Variants in PRDM6 observed in about 807,000 individuals in gnomAD.
PRDM6 encodes the protein putative histone-lysine N-methyltransferase PRDM6.
A neutral mutation model predicts 60.8 loss-of-function variants in PRDM6; 25 were observed. That is an observed-to-expected ratio of 0.41 (90% CI 0.30 to 0.57). The LOEUF is 0.57. Ranked by LOEUF, PRDM6 falls within the 20% of genes least tolerant of loss-of-function variation. PRDM6 has a pLI of 0.27. For missense variants in PRDM6, 839 were observed against 821.3 expected, an observed-to-expected ratio of 1.02 and a Z score of -0.26; for synonymous variants, 407 against 357.4, an observed-to-expected ratio of 1.14 and a Z score of -1.57.
At chr5:123,098,414 G>C (rs1764009356) in intron 2 of PRDM6, among the ~76,000 whole-genome samples, 1 of 152,266 alleles carries the variant, frequency 6.6e-6, no homozygotes, top group Non-Finnish European at 1.5e-5. Flanking sequence ...CCTTCTCGGG[G>C]CAGGCCATCC....
intron 3 of PRDM6, among the ~76,000 whole-genome samples, chr5:123,155,359 A>T (rs1206342219): frequency 7.7e-6 from 1 of 130,706 alleles, no homozygotes; most frequent in African/African-American, 2.9e-5. Flanking sequence ...GAGTCCATTT[A>T]TTTCACCCAA....
chr5:123,160,027 T>G (rs1016018642), intron 5 of PRDM6, among the ~76,000 whole-genome samples: 16 of 152,256 alleles, frequency 1.1e-4, no homozygotes, highest in African/African-American at 3.9e-4. Flanking sequence ...GGAGCCACAC[T>G]GTATGCAAAA....
chr5:123,170,558 A>T (rs1580535657), intron 5 of PRDM6, among the ~76,000 whole-genome samples: 1 of 152,352 alleles, frequency 6.6e-6, no homozygotes, highest in Non-Finnish European at 1.5e-5. Flanking sequence ...CTGAGCATAC[A>T]GTTGCTTCAT....
chr5:123,096,710 A>C (rs1763967681), intron 2 of PRDM6, among the ~76,000 whole-genome samples: 1 of 152,204 alleles, frequency 6.6e-6, no homozygotes, highest in African/African-American at 2.4e-5. Context: ...GGAGAGCCTC[A>C]GTTTTTCACT....
intron 3 of PRDM6, among the ~76,000 whole-genome samples, chr5:123,151,699 G>C (rs1032328406): frequency 7.0e-6 from 1 of 143,032 alleles, no homozygotes; most frequent in African/African-American, 2.6e-5. Context: ...AGAAGAGTTG[G>C]TGACTGAGTT....
chr5:123,159,597 T>C lies in PRDM6; in HGVS notation c.1112T>C (p.Phe371Ser). The C allele has an allele frequency of 1.3e-6, 2 of 1,551,628 alleles. No homozygotes were observed. The highest frequency in any genetic ancestry group is 1.7e-6 in the Non-Finnish European group (2 of 1,146,804). Residue 371 changes from phenylalanine to serine, a missense_variant, in exon 5 of 8, where the codon TTC (phenylalanine) becomes TCC (serine). Physicochemically the swap from Phe to Ser is radical, Grantham distance 155. This residue lies in a region of PRDM6 where 730 missense variants were observed against 648.8 expected (regional missense o/e 1.13). Transcript: ENST00000407847. ...TGGTACAATGACAGCTATACGTCTT[T>C]CTTTGGGATCCCCTTACAATGCATT... ...LVWYNDSYTS[F>S]FGIPLQCIAQ... is the part of the protein sequence containing the mutation.
In PRDM6 at chr5:123,191,456, A is replaced by G. The variant is rs1022399629; in HGVS notation, c.*4255A>G. On this transcript the variant is annotated 3_prime_UTR_variant, in exon 8 of 8. Coordinates refer to ENST00000407847, the MANE Select transcript of PRDM6 (RefSeq NM_001136239.4). ...CTACAGAAACCAGGCCAGGAATAAG[A>G]AATAAATAATCACATTTCCTGAAAT... 6.6e-6 allele frequency: 1 copy of G among 152,166 alleles called. No individual in the cohort carries two copies. Among genetic ancestry groups the G allele is most frequent in the African/African-American group, 2.4e-5 (1 of 41,442 alleles). 9.4% of individuals were successfully genotyped at this position (152,166 alleles called of 1,614,324 possible).
intron 3 of PRDM6, among the ~76,000 whole-genome samples, chr5:123,154,398 T>C (rs1765446521): frequency 6.6e-6 from 1 of 152,190 alleles, no homozygotes; most frequent in Non-Finnish European, 1.5e-5. Context: ...CCTGGTGTGT[T>C]TACCCAGTCA....
intron 3 of PRDM6, among the ~76,000 whole-genome samples, chr5:123,115,026 G>A (rs1240486390): frequency 6.6e-6 from 1 of 152,192 alleles, no homozygotes; most frequent in Admixed American, 6.5e-5. Context: ...CCAGAAGACT[G>A]CTTGAGGTCT....
Position 123,090,136 on chromosome 5 carries a change from C to T in PRDM6, c.122C>T (p.Ala41Val). Residue 41 changes from alanine to valine, a missense_variant, in exon 2 of 8, where the codon GCG (alanine) becomes GTG (valine). Transcript: ENST00000407847. ...GAGPLKGSGA[A>V]GLLSAPQPLQ... ...GGCCCGCTCAAGGGCAGCGGCGCCG[C>T]GGGTCTCCTGAGCGCGCCGCAGCCT... 1.3e-6 allele frequency: 2 copies of T among 1,537,260 alleles called. No individual in the cohort carries two copies. Among genetic ancestry groups the T allele is most frequent in the Non-Finnish European group, 1.8e-6 (2 of 1,141,802 alleles).
At chr5:123,146,626 C>T (rs138219043) in intron 3 of PRDM6, among the ~76,000 whole-genome samples, 1 of 152,268 alleles carries the variant, frequency 6.6e-6, no homozygotes, top group East Asian at 1.9e-4. Flanking sequence ...TTTCCAAAAT[C>T]CATCTTTCAC....
intron 3 of PRDM6, among the ~76,000 whole-genome samples, chr5:123,155,277 T>G (rs1765467422): frequency 6.8e-6 from 1 of 146,928 alleles, no homozygotes; most frequent in Non-Finnish European, 1.5e-5. Flanking sequence ...TTTTTTTTTT[T>G]TTTTTTTAAT....
chr5:123,092,548 T>G (rs532919656), intron 2 of PRDM6, among the ~76,000 whole-genome samples: 1 of 152,226 alleles, frequency 6.6e-6, no homozygotes, highest in South Asian at 2.1e-4. Flanking sequence ...TGAACCAGTT[T>G]ATTGCCTGGG....
chr5:123,100,589 A>G (rs1764079744), intron 3 of PRDM6, among the ~76,000 whole-genome samples: 1 of 152,226 alleles, frequency 6.6e-6, no homozygotes, highest in Non-Finnish European at 1.5e-5. Context: ...GGAATCAGAA[A>G]TCGCAAATTC....
chr5:123,098,309 C>T (rs1233399234), intron 2 of PRDM6, among the ~76,000 whole-genome samples: 2 of 152,222 alleles, frequency 1.3e-5, no homozygotes, highest in African/African-American at 4.8e-5. Context: ...GTGTCAGGCT[C>T]AGTGCCATAA....
intron 5 of PRDM6, among the ~76,000 whole-genome samples, chr5:123,165,330 C>T (rs956382055): frequency 7.2e-5 from 11 of 152,200 alleles, no homozygotes; most frequent in African/African-American, 2.2e-4. Context: ...ATTGCTCTGT[C>T]GAGAAACCTT....
intron 6 of PRDM6, among the ~76,000 whole-genome samples, chr5:123,175,595 G>A (rs1765987913): frequency 1.3e-5 from 2 of 152,028 alleles, no homozygotes; most frequent in African/African-American, 4.8e-5. Flanking sequence ...TTCTCCTTAC[G>A]TAGAACTGAG....
At chr5:123,170,402 A>T (rs1036273550) in intron 5 of PRDM6, among the ~76,000 whole-genome samples, 1 of 152,198 alleles carries the variant, frequency 6.6e-6, no homozygotes, top group African/African-American at 2.4e-5. Flanking sequence ...TCTCTGGGCA[A>T]CATCCCCTGC....
At chr5:123,167,502 G>C (rs530951320) in intron 5 of PRDM6, among the ~76,000 whole-genome samples, 20 of 151,670 alleles carry the variant, frequency 1.3e-4, no homozygotes, top group Non-Finnish European at 2.8e-4. Context: ...TGATTCTTCC[G>C]CCCCAGCCTC....
Sources: allele counts gnomAD v4.1 joint callset (sites outside exome capture counted in the v4.1 genomes callset), GRCh38; gene constraint gnomAD v4.1.1; regional missense constraint gnomAD v4.1.1; transcripts MANE v1.5; gene names NCBI Gene and HGNC (gene_info 2026-07-23, HGNC 2026-07-21).